The following ADGRB3 variants were observed in gnomAD, a reference collection of about 807,000 sequenced individuals.
ADGRB3 encodes the protein adhesion G protein-coupled receptor B3, also known as brain-specific angiogenesis inhibitor 3.
In ADGRB3, 37 loss-of-function variants were observed where a neutral mutation model predicts 193.4. That is an observed-to-expected ratio of 0.19 (90% CI 0.15 to 0.25). ADGRB3 has a LOEUF of 0.25. ADGRB3 is among the 10% of genes least tolerant of loss of function. The pLI, the probability that ADGRB3 is intolerant of heterozygous loss-of-function variation, is 1.00. For missense variants in ADGRB3, 1,637 were observed against 1,852.9 expected (o/e 0.88, Z 2.14); for synonymous variants, 690 against 644.2 (o/e 1.07, Z -1.08).
At chr6:68,822,065 A>G (rs2022212) in intron 3 of ADGRB3, among the ~76,000 whole-genome samples, 21,381 of 151,830 alleles carry the variant, frequency 0.14, 2,562 homozygotes, top group East Asian at 0.64. Context: ...AATCAAATTC[A>G]GTAAGCCTAG....
At chr6:68,915,450 G>T (rs990997904) in intron 3 of ADGRB3, among the ~76,000 whole-genome samples, 1 of 152,062 alleles carries the variant, frequency 6.6e-6, no homozygotes, top group Non-Finnish European at 1.5e-5. Context: ...CCAAAAGAAA[G>T]GGAAATGTAT....
At position 68,732,776 on chromosome 6, in the gene ADGRB3, C is replaced by T. The variant is rs116014827; in HGVS notation, c.757+93344C>T. Reference sequence around the variant, plus strand: ...TTTCCATATTCTGTGGTGAGTCTTACGCAGGTATATTATCTAAAGGCACTC... The same window carrying T: ...TTTCCATATTCTGTGGTGAGTCTTATGCAGGTATATTATCTAAAGGCACTC... On this transcript the variant is annotated intron_variant, in intron 3 of 31. Transcript: ENST00000370598. Among the ~76,000 whole-genome samples, 484 of 151,904 alleles carry T rather than the reference C, an allele frequency of 3.2e-3. 4 individuals are homozygous for T. Among genetic ancestry groups the T allele is most frequent in the African/African-American group, 0.011 (467 of 41,480 alleles).
chr6:68,697,400 A>C (rs1418382285), intron 3 of ADGRB3, among the ~76,000 whole-genome samples: 2 of 151,972 alleles, frequency 1.3e-5, no homozygotes, highest in Non-Finnish European at 2.9e-5. Context: ...CTCTTCGAGC[A>C]TGTAAACTCA....
chr6:68,984,856 A>T (rs1402388792), intron 10 of ADGRB3, among the ~76,000 whole-genome samples: 1 of 151,688 alleles, frequency 6.6e-6, no homozygotes, highest in Non-Finnish European at 1.5e-5. Flanking sequence ...AAAAGAGCTT[A>T]GTGGGTTTTG....
At chr6:68,968,440 G>T (rs536559953) in intron 8 of ADGRB3, among the ~76,000 whole-genome samples, 6 of 152,232 alleles carry the variant, frequency 3.9e-5, no homozygotes, top group East Asian at 3.9e-4. Context: ...GACTGAATCA[G>T]GAAATCTAGT....
chr6:69,053,047 A>G (rs1771445518), intron 15 of ADGRB3, among the ~76,000 whole-genome samples: 1 of 152,128 alleles, frequency 6.6e-6, no homozygotes, highest in Non-Finnish European at 1.5e-5. Context: ...TTAGCCGTGC[A>G]TGGTGGTGTG....
chr6:68,872,603 A>G (rs1370267715), intron 3 of ADGRB3, among the ~76,000 whole-genome samples: 1 of 152,136 alleles, frequency 6.6e-6, no homozygotes, highest in Non-Finnish European at 1.5e-5. Context: ...TGTATGCAGT[A>G]TACACCAAAA....
chr6:69,287,715 C>T (rs975545477), intron 20 of ADGRB3, among the ~76,000 whole-genome samples: 1 of 152,188 alleles, frequency 6.6e-6, no homozygotes, highest in African/African-American at 2.4e-5. Flanking sequence ...TTTCATTATA[C>T]ACATCTTTTG....
chr6:69,380,771 T>C (rs1324433707), intron 30 of ADGRB3, among the ~76,000 whole-genome samples: 2 of 152,086 alleles, frequency 1.3e-5, no homozygotes, highest in East Asian at 3.9e-4. Context: ...ATTATGGCTG[T>C]GTCCTCCATT....
intron 3 of ADGRB3, among the ~76,000 whole-genome samples, chr6:68,774,903 G>A (rs929482443): frequency 6.6e-6 from 1 of 152,030 alleles, no homozygotes; most frequent in African/African-American, 2.4e-5. Flanking sequence ...CCACTATGCA[G>A]AATACTGCTC....
At chr6:69,130,421 C>G (rs570707111) in intron 17 of ADGRB3, among the ~76,000 whole-genome samples, 2 of 151,316 alleles carry the variant, frequency 1.3e-5, no homozygotes, top group Admixed American at 6.6e-5. Context: ...CATTTTCACC[C>G]AAATCATATT....
intron 20 of ADGRB3, among the ~76,000 whole-genome samples, chr6:69,313,622 G>A (rs1482883507): frequency 6.6e-6 from 1 of 151,602 alleles, no homozygotes; most frequent in East Asian, 1.9e-4. Flanking sequence ...CTTGCAAGCT[G>A]GGAAAGGATA....
At chr6:69,180,595 G>A (rs1317004607) in intron 17 of ADGRB3, among the ~76,000 whole-genome samples, 1 of 152,176 alleles carries the variant, frequency 6.6e-6, no homozygotes, top group East Asian at 1.9e-4. Context: ...AGCAGGCTGG[G>A]GCAGGCAACA....
At chr6:68,877,380 GA>G (rs1474064889) in intron 3 of ADGRB3, among the ~76,000 whole-genome samples, 1 of 134,082 alleles carries the variant, frequency 7.5e-6, no homozygotes, top group Non-Finnish European at 1.7e-5. Context: ...AAGAATTTAG[GA>G]TTTTTTTTTT....
intron 10 of ADGRB3, among the ~76,000 whole-genome samples, chr6:68,987,146 G>C (rs564234361): frequency 6.6e-6 from 1 of 152,040 alleles, no homozygotes; most frequent in Non-Finnish European, 1.5e-5. Flanking sequence ...ATGTGAGCAA[G>C]CATAATCACT....
chr6:69,294,540 T>A (rs576450884), intron 20 of ADGRB3, among the ~76,000 whole-genome samples: 2 of 152,192 alleles, frequency 1.3e-5, no homozygotes, highest in Admixed American at 1.3e-4. Context: ...GCCTTTGGGT[T>A]CTCTACAATT....
At chr6:68,805,015 A>G (rs1416425866) in intron 3 of ADGRB3, among the ~76,000 whole-genome samples, 2 of 151,730 alleles carry the variant, frequency 1.3e-5, no homozygotes, top group South Asian at 2.1e-4. Flanking sequence ...GCATCCTCCA[A>G]CTCCTGGGCT....
intron 19 of ADGRB3, among the ~76,000 whole-genome samples, chr6:69,238,851 C>G (rs1766328411): frequency 1.3e-5 from 2 of 151,656 alleles, no homozygotes; most frequent in Non-Finnish European, 2.9e-5. Context: ...AACAGATGGG[C>G]AACTTAGGCT....
At chr6:69,257,369 C>G (rs1226043164) in intron 20 of ADGRB3, among the ~76,000 whole-genome samples, 1 of 152,098 alleles carries the variant, frequency 6.6e-6, no homozygotes, top group Non-Finnish European at 1.5e-5. Flanking sequence ...TGATTATTGC[C>G]ACAATTTCAG....
Sources: allele counts gnomAD v4.1 joint callset (sites outside exome capture counted in the v4.1 genomes callset), GRCh38; gene constraint gnomAD v4.1.1; transcripts MANE v1.5; gene names NCBI Gene and HGNC (gene_info 2026-07-23, HGNC 2026-07-21).